Variants in SRRM1 observed in about 807,000 individuals in gnomAD.
SRRM1 encodes the protein serine/arginine repetitive matrix protein 1.
In SRRM1, 19 loss-of-function variants were observed where a neutral mutation model predicts 110.2. The ratio of observed to expected loss-of-function variants is 0.17; its 90% CI spans 0.12 to 0.25. SRRM1 has a LOEUF of 0.25. Among genes scored for constraint, SRRM1 ranks in the 10% least tolerant of loss-of-function variants. The pLI, the probability that SRRM1 is intolerant of heterozygous loss-of-function variation, is 1.00. For synonymous variants in SRRM1, 443 were observed against 414.9 expected, an observed-to-expected ratio of 1.07 and a Z score of -0.82; for missense variants, 918 against 1,145.8, an observed-to-expected ratio of 0.80 and a Z score of 2.87.
At chr1:24,655,279 C>T in intron 9 of SRRM1, 150 bp downstream of exon 9, 1 of 973,244 alleles carries the variant, frequency 1.0e-6, no homozygotes, top group Non-Finnish European at 1.5e-6. Flanking sequence ...AAGCCTACCT[C>T]TTTCCTGCTT....
chr1:24,643,532 G>A (rs1459494561), intron 1 of SRRM1, 185 bp downstream of exon 1: 3 of 471,152 alleles, frequency 6.4e-6, no homozygotes, highest in South Asian at 4.6e-5. Context: ...CCCCTGCGCA[G>A]TCTCCTCCTC....
intron 13 of SRRM1, among the ~76,000 whole-genome samples, chr1:24,667,850 A>G (rs1670754888): frequency 1.3e-5 from 2 of 152,052 alleles, no homozygotes; most frequent in East Asian, 1.9e-4. Context: ...GAAGTGGCAA[A>G]TCTCCTATTT....
chr1:24,667,712 G>C (rs1670686687), intron 13 of SRRM1, among the ~76,000 whole-genome samples: 2 of 152,098 alleles, frequency 1.3e-5, no homozygotes, highest in Non-Finnish European at 2.9e-5. Context: ...TTAAGTCCTG[G>C]AACAGAAAAG....
Position 24,670,131 on chromosome 1 carries a change from C to T in SRRM1, c.2216C>T (p.Pro739Leu), listed in dbSNP as rs1671995463. The part of the protein sequence containing the change: ...EPKKIKKAAS[P>L]SPQSVRRVSS... ...TCCTTTTTGTCTAGGGCTGCTTCCC[C>T]AAGCCCACAGTCTGTAAGAAGGGTC... Residue 739 changes from proline to leucine, a missense_variant, in exon 15 of 17, where the codon CCA (proline) becomes CTA (leucine). Physicochemically the swap from Pro to Leu is moderately conservative, Grantham distance 98. Around this residue, in one of 5 missense-constraint regions of SRRM1, gnomAD observed 357 missense variants for 402.9 expected, o/e 0.89. Coordinates refer to ENST00000323848, the MANE Select transcript of SRRM1 (RefSeq NM_005839.4). 1.9e-6 allele frequency: 3 copies of T among 1,582,156 alleles called. No homozygotes were observed. In the South Asian group the frequency reaches 3.5e-5, roughly 18 times the overall value.
intron 5 of SRRM1, chr1:24,650,700 AAAGAG>A (rs1332145760): frequency 6.6e-6 from 1 of 152,238 alleles, no homozygotes; most frequent in Non-Finnish European, 1.5e-5. Context: ...TGGAATTAGT[AAAGAG>A]AAGAGGTAAT....
chr1:24,646,082 C>T lies in SRRM1; in HGVS notation c.111+9C>T. ...AATGCCTAGAAAAAAAGGTATTCTT[C>T]TGGATGAGACTGTTGTGCATCTTTA... is the stretch of plus-strand genomic sequence containing the variant. On this transcript the variant is annotated intron_variant, in intron 2 of 16. Coordinates refer to ENST00000323848, the MANE Select transcript of SRRM1 (RefSeq NM_005839.4). 3 of 1,597,272 alleles carry T rather than the reference C, an allele frequency of 1.9e-6. No individual in the cohort carries two copies. Among genetic ancestry groups the T allele is most frequent in the Non-Finnish European group, 2.6e-6 (3 of 1,166,050 alleles).
At chr1:24,662,614 T>G (rs1667852320) in intron 11 of SRRM1, 46 bp from the exon 12 acceptor site, 1 of 1,596,138 alleles carries the variant, frequency 6.3e-7, no homozygotes, top group Non-Finnish European at 8.5e-7. Context: ...TTGGACAGAT[T>G]CAAGCACAAA....
Position 24,667,332 on chromosome 1 carries a change from T to C in SRRM1, c.1739+407T>C, listed in dbSNP as rs532025963. Among the ~76,000 whole-genome samples the C allele has an allele frequency of 5.9e-5, 9 of 152,314 alleles. No individual in the cohort carries two copies. In the East Asian group the frequency reaches 1.2e-3, roughly 20 times the overall value. The stretch of plus-strand genomic sequence containing the variant: ...ACCTTAAATGGGTAAATAGGTAGAT[T>C]TTATAGCAGGTGAATCATGTATTGT... On this transcript the variant is annotated intron_variant, in intron 13 of 16. Coordinates refer to ENST00000323848, the MANE Select transcript of SRRM1 (RefSeq NM_005839.4).
Position 24,651,391 on chromosome 1 carries a change from AAATTAC to A in SRRM1, c.522-17_522-12del. The A allele has an allele frequency of 6.2e-7, 1 of 1,605,740 alleles. No homozygotes were observed. The stretch of plus-strand genomic sequence containing the variant: ...TCCATGTTATTTAAAAACCTGAAAA[AAATTAC>A]TTTCATCCTAGACGCAAATCCAGAT... On this transcript the variant is annotated splice_polypyrimidine_tract_variant and intron_variant, in intron 5 of 16. Transcript: ENST00000323848.
chr1:24,643,546 A>G (rs1171537379), intron 1 of SRRM1, 199 bp downstream of exon 1: 1 of 419,644 alleles, frequency 2.4e-6, no homozygotes, highest in East Asian at 3.9e-5. Flanking sequence ...CCTCCTCCGG[A>G]ATGGTCCCCC....
intron 1 of SRRM1, 52 bp downstream of exon 1, chr1:24,643,399 C>T: frequency 6.7e-7 from 1 of 1,496,496 alleles, no homozygotes. Context: ...CTCGGTAAGG[C>T]CTGGTAGGAG....
At chr1:24,655,815 C>G (rs572050758) in intron 9 of SRRM1, among the ~76,000 whole-genome samples, 2 of 152,226 alleles carry the variant, frequency 1.3e-5, no homozygotes, top group African/African-American at 4.8e-5. Context: ...GAGCTTAGGG[C>G]TGGAATGATA....
chr1:24,655,094 G>C lies in SRRM1; in HGVS notation c.1280G>C (p.Arg427Pro). 1 of 1,614,082 alleles carries C rather than the reference G, an allele frequency of 6.2e-7. No individual in the cohort carries two copies. Among genetic ancestry groups the C allele is most frequent in the South Asian group, 1.1e-5 (1 of 91,078 alleles). ...PQQSNRTRKS[R>P]VSVSPGRTSG... ...CAGTCAAACCGTACAAGAAAAAGTC[G>C]TGTTTCTGTGTCTCCAGGGAGAACT... The change falls in exon 9 of 17, where the codon CGT becomes CCT. Residue 427 changes from arginine to proline, a missense_variant. Transcript: ENST00000323848.
In SRRM1 at chr1:24,649,884, CA is replaced by C. The variant is rs1016970885; in HGVS notation, c.406-86del. 9.1e-5 allele frequency: 106 copies of C among 1,166,174 alleles called. 1 individual carries two copies. Among genetic ancestry groups the C allele is most frequent in the Non-Finnish European group, 1.2e-4 (104 of 857,038 alleles). 72.2% of individuals were successfully genotyped at this position (1,166,174 alleles called of 1,614,324 possible). A position where few individuals can be genotyped will look rare whatever the true frequency, so the allele number is the denominator to read the frequency against. On this transcript the variant is annotated intron_variant, in intron 4 of 16. Transcript: ENST00000323848. ...GAAGAGGCCGATGAAATGATAATAG[CA>C]TTGGTGTTTAACACACGTAGAAAGT...
At position 24,669,347 on chromosome 1, in the gene SRRM1, C is replaced by T; in HGVS notation, c.1964C>T (p.Ser655Leu). 1 of 1,614,204 alleles carries T rather than the reference C, an allele frequency of 6.2e-7. No homozygotes were observed. Reference sequence around the variant, plus strand: ...CCAGTCACCAAGAGACGTTCACCTTCATTATCATCCAAGCATAGGAAAGGG... The same window carrying T: ...CCAGTCACCAAGAGACGTTCACCTTTATTATCATCCAAGCATAGGAAAGGG... ...SSPVTKRRSPSLSSKHRKGSS... is the reference protein window; with the variant it reads ...SSPVTKRRSPLLSSKHRKGSS... Residue 655 changes from serine to leucine, a missense_variant, in exon 14 of 17, where the codon TCA (serine) becomes TTA (leucine). By Grantham distance (145) the Ser-to-Leu change is moderately radical. Transcript: ENST00000323848.
chr1:24,658,075 A>G (rs1344357848), intron 9 of SRRM1, among the ~76,000 whole-genome samples: 5 of 152,214 alleles, frequency 3.3e-5, no homozygotes, highest in African/African-American at 9.7e-5. Flanking sequence ...CAACATTAAC[A>G]TAAAGTAAAT....
chr1:24,672,269 GT>G lies in SRRM1; in HGVS notation c.2699del (p.Val900GlyfsTer12). On this transcript the variant is annotated frameshift_variant, in exon 17 of 17. Coordinates refer to ENST00000323848, the MANE Select transcript of SRRM1 (RefSeq NM_005839.4). LOFTEE classifies it high-confidence loss of function. ...CCTGAGATCAATGAGGAAGGCCCAA[GT>G]GTCCCCACAGTCTTAGGGGGAAATG... ...KALRSMRKAQ[V>X]SPQS 1 of 1,606,096 alleles carries G rather than the reference GT, an allele frequency of 6.2e-7. No individual in the cohort carries two copies. The highest frequency in any genetic ancestry group is 1.1e-5 in the South Asian group (1 of 89,848).
intron 11 of SRRM1, 85 bp from the exon 12 acceptor site, chr1:24,662,575 A>AC: frequency 7.1e-7 from 1 of 1,402,586 alleles, no homozygotes; most frequent in Non-Finnish European, 9.9e-7. Flanking sequence ...ACCCTAGTGA[A>AC]CACTCCATCC....
rs778509160 is a variant in SRRM1 at position 24,645,972 on chromosome 1, C to T, written c.22-12C>T. 34 of 1,610,132 alleles carry T rather than the reference C, an allele frequency of 2.1e-5. No homozygotes were observed. The highest frequency in any genetic ancestry group is 5.0e-5 in the Admixed American group (3 of 59,738). ...TTGAACCCTTAGTTAAGATGTGGTT[C>T]TCTTCCTGCAGGGAACAAGTGCAGA... On this transcript the variant is annotated splice_polypyrimidine_tract_variant and intron_variant, in intron 1 of 16. Transcript: ENST00000323848.
Sources: allele counts gnomAD v4.1 joint callset (sites outside exome capture counted in the v4.1 genomes callset), GRCh38; gene constraint gnomAD v4.1.1; regional missense constraint gnomAD v4.1.1; transcripts MANE v1.5; gene names NCBI Gene and HGNC (gene_info 2026-07-23, HGNC 2026-07-21).